Variants in ZSCAN32 observed in about 807,000 individuals in gnomAD.
The protein encoded by ZSCAN32 is zinc finger and SCAN domain-containing protein 32.
ZSCAN32 carries 52 observed loss-of-function variants against 47.4 expected under a neutral mutation model. The ratio of observed to expected loss-of-function variants is 1.10; its 90% CI spans 0.88 to 1.38. The LOEUF is 1.38. ZSCAN32 is among the 40% of genes most tolerant of loss of function. The pLI is 0.00. For synonymous variants in ZSCAN32, 346 were observed against 305.7 expected, an observed-to-expected ratio of 1.13 and a Z score of -1.38; for missense variants, 959 against 846.0, an observed-to-expected ratio of 1.13 and a Z score of -1.66.
chr16:3,388,689 T>A (rs1339539227), intron 5 of ZSCAN32, among the ~76,000 whole-genome samples: 1 of 152,200 alleles, frequency 6.6e-6, no homozygotes, highest in Non-Finnish European at 1.5e-5. Flanking sequence ...TCCTCAATGG[T>A]TGACAAGAAA....
rs1596433044 is a variant in ZSCAN32, at chr16:3,382,623, C to T, written c.*229G>A. On this transcript the variant is annotated 3_prime_UTR_variant, in exon 7 of 7. Transcript: ENST00000396852. ...CTGGTAGAATTTATGGATCCTACAGCTTTCTCTCCATCAAACTTTAAGTCA... is the reference window on the plus strand; with the variant it reads ...CTGGTAGAATTTATGGATCCTACAGTTTTCTCTCCATCAAACTTTAAGTCA... 3 of 463,092 alleles carry T rather than the reference C, an allele frequency of 6.5e-6. No individual in the cohort carries two copies. The highest frequency in any genetic ancestry group is 1.1e-5 in the Non-Finnish European group (3 of 281,742). 28.7% of individuals were successfully genotyped at this position (463,092 alleles called of 1,614,324 possible).
In ZSCAN32 at chr16:3,382,564, T is replaced by C. The variant is rs2150863641; in HGVS notation, c.*288A>G. 1 of 269,262 alleles carries C rather than the reference T, an allele frequency of 3.7e-6. No individual in the cohort carries two copies. Among genetic ancestry groups the C allele is most frequent in the Non-Finnish European group, 6.9e-6 (1 of 144,148 alleles). 16.7% of individuals were successfully genotyped at this position (269,262 alleles called of 1,614,324 possible). Reference sequence around the variant, plus strand: ...GTGTTCTTGGACCACTGGGTGCCCATTCTCAGTGCTAGGAACAGGAAGACC... The same window carrying C: ...GTGTTCTTGGACCACTGGGTGCCCACTCTCAGTGCTAGGAACAGGAAGACC... On this transcript the variant is annotated 3_prime_UTR_variant, in exon 7 of 7. Coordinates refer to ENST00000396852, the MANE Select transcript of ZSCAN32 (RefSeq NM_001284527.2).
chr16:3,384,637 A>G lies in ZSCAN32; in HGVS notation c.1056T>C (p.Ala352=). ...WASAPPMASD[A]VPGQEGSDIE... is the part of the protein sequence containing the mutation. ...TATCACTTCCTTCTTGGCCAGGAAC[A>G]GCATCGCTTGCCATAGGAGGTGCAG... Residue 352 remains alanine (A), a synonymous_variant, in exon 6 of 7, where the codon GCT becomes GCC. Coordinates refer to ENST00000396852, the MANE Select transcript of ZSCAN32 (RefSeq NM_001284527.2). 6.2e-7 allele frequency: 1 copy of G among 1,614,220 alleles called. No individual in the cohort carries two copies. Among genetic ancestry groups the G allele is most frequent in the African/African-American group, 1.3e-5 (1 of 75,060 alleles).
chr16:3,389,770 G>C (rs1160164732), intron 5 of ZSCAN32, among the ~76,000 whole-genome samples: 3 of 152,132 alleles, frequency 2.0e-5, no homozygotes, highest in Non-Finnish European at 4.4e-5. Context: ...CTAACATTTT[G>C]CTTCTCCACC....
At chr16:3,386,048 G>A (rs2150874702) in intron 5 of ZSCAN32, among the ~76,000 whole-genome samples, 1 of 152,242 alleles carries the variant, frequency 6.6e-6, no homozygotes, top group South Asian at 2.1e-4. Context: ...CTACTCATCT[G>A]ACAAAGGGCT....
chr16:3,393,883 T>C (rs2033111674), intron 2 of ZSCAN32, 69 bp from the exon 3 acceptor site: 1 of 1,345,076 alleles, frequency 7.4e-7, no homozygotes, highest in East Asian at 2.6e-5. Flanking sequence ...CTCCTAAGAG[T>C]GGCATTAAAA....
rs80128533 is a variant in ZSCAN32, at chr16:3,394,311, A to T, written c.367-497T>A. Among the ~76,000 whole-genome samples the T allele has an allele frequency of 3.6e-3, 552 of 152,260 alleles. 5 individuals carry two copies. Among genetic ancestry groups the T allele is most frequent in the African/African-American group, 0.012 (518 of 41,560 alleles). On this transcript the variant is annotated intron_variant, in intron 2 of 6. Transcript: ENST00000396852. ...TGAAGTGGTTAAGATTATTTATATG[A>T]CAGCACCTAGCATAGAGCCTGACAC...
chr16:3,392,636 G>T (rs2032851535), intron 3 of ZSCAN32, among the ~76,000 whole-genome samples: 1 of 152,106 alleles, frequency 6.6e-6, no homozygotes. Flanking sequence ...GACCATCCTG[G>T]CTAACACGAT....
intron 1 of ZSCAN32, among the ~76,000 whole-genome samples, chr16:3,398,607 C>T (rs1451052251): frequency 6.6e-6 from 1 of 152,168 alleles, no homozygotes; most frequent in African/African-American, 2.4e-5. Context: ...ATAGTCTTCT[C>T]CCAGCCAAGA....
intron 3 of ZSCAN32, among the ~76,000 whole-genome samples, chr16:3,391,978 A>T (rs1389610414): frequency 6.6e-6 from 1 of 152,238 alleles, no homozygotes; most frequent in African/African-American, 2.4e-5. Context: ...CCAATTAAAC[A>T]GAAAAGGCAG....
intron 2 of ZSCAN32, among the ~76,000 whole-genome samples, chr16:3,394,878 G>A (rs2033218387): frequency 6.6e-6 from 1 of 152,100 alleles, no homozygotes; most frequent in Non-Finnish European, 1.5e-5. Context: ...CAGCTCTTGG[G>A]ACAACTGGTT....
chr16:3,387,082 C>G (rs2032100660), intron 5 of ZSCAN32, among the ~76,000 whole-genome samples: 1 of 152,180 alleles, frequency 6.6e-6, no homozygotes, highest in African/African-American at 2.4e-5. Flanking sequence ...ATTCCCTCCA[C>G]TGATAATGAC....
Position 3,382,991 on chromosome 16 carries a change from C to T in ZSCAN32, c.1955G>A (p.Arg652Gln), listed in dbSNP as rs763978623. The T allele has an allele frequency of 1.6e-5, 26 of 1,613,944 alleles. No individual in the cohort carries two copies. The highest frequency in any genetic ancestry group is 3.3e-4 in the Middle Eastern group (2 of 6,082). Residue 652 changes from arginine to glutamine, a missense_variant, in exon 7 of 7, where the codon CGA becomes CAA. Transcript: ENST00000396852. ...AGGCTTTTCACCAGTGTGGGTTTTT[C>T]GGTGGGCACTGAAGTGGGAGCTATT... ...FNNSSHFSAH[R>Q]KTHTGEKPYR...
In ZSCAN32 at chr16:3,383,235, G is replaced by C. The variant is rs762393364; in HGVS notation, c.1711C>G (p.His571Asp). The C allele has an allele frequency of 5.0e-6, 8 of 1,614,098 alleles. No individual in the cohort carries two copies. Among genetic ancestry groups the C allele is most frequent in the South Asian group, 4.4e-5 (4 of 91,076 alleles). ...RSNLTAHLRT[H>D]TGERPYQCGQ... The stretch of plus-strand genomic sequence containing the variant: ...CACTGATAGGGCCTCTCCCCTGTGT[G>C]AGTTCGTAGGTGGGCAGTGAGGTTG... The change falls in exon 7 of 7, where the codon CAC (histidine) becomes GAC (aspartate). Residue 571 changes from histidine to aspartate, a missense_variant. His to Asp is a moderately conservative substitution (Grantham distance 81). Transcript: ENST00000396852.
rs1404113534 is a variant in ZSCAN32 at position 3,382,963 on chromosome 16, G to A, written c.1983C>T (p.Tyr661=). 2.5e-6 allele frequency: 4 copies of A among 1,614,066 alleles called. No individual in the cohort carries two copies. Among genetic ancestry groups the A allele is most frequent in the Non-Finnish European group, 3.4e-6 (4 of 1,180,028 alleles). Residue 661 remains tyrosine (Y), a synonymous_variant, in exon 7 of 7, where the codon TAC becomes TAT. Coordinates refer to ENST00000396852, the MANE Select transcript of ZSCAN32 (RefSeq NM_001284527.2). ...AGCCTCTCTCACAGTGAGAACACCT[G>A]TAAGGCTTTTCACCAGTGTGGGTTT... ...HRKTHTGEKP[Y]RCSHCERGFT...
rs776686474 is a variant in ZSCAN32 at position 3,384,650 on chromosome 16, A to G, written c.1043T>C (p.Met348Thr). The G allele has an allele frequency of 2.2e-5, 36 of 1,614,072 alleles. No homozygotes were observed. The South Asian group carries it at 3.8e-4, about 17-fold the overall frequency. The change falls in exon 6 of 7, where the codon ATG becomes ACG. Residue 348 changes from methionine (M) to threonine (T), a missense_variant. By Grantham distance (81) the Met-to-Thr change is moderately conservative (BLOSUM62 -1). Coordinates refer to ENST00000396852, the MANE Select transcript of ZSCAN32 (RefSeq NM_001284527.2). ...LSGSWASAPP[M>T]ASDAVPGQEG... ...TTGGCCAGGAACAGCATCGCTTGCC[A>G]TAGGAGGTGCAGAGGCCCAGGAGCC... is the stretch of plus-strand genomic sequence containing the variant.
intron 2 of ZSCAN32, among the ~76,000 whole-genome samples, chr16:3,396,603 A>G (rs2033388402): frequency 6.6e-6 from 1 of 152,102 alleles, no homozygotes; most frequent in South Asian, 2.1e-4. Flanking sequence ...CCACAACCGA[A>G]GCTGGTATGT....
intron 1 of ZSCAN32, among the ~76,000 whole-genome samples, chr16:3,400,065 C>T (rs1044826189): frequency 6.6e-6 from 1 of 152,176 alleles, no homozygotes; most frequent in Non-Finnish European, 1.5e-5. Context: ...CTCAGGACTA[C>T]TGAGCTGTAC....
intron 2 of ZSCAN32, 146 bp downstream of exon 2, chr16:3,397,046 G>C: frequency 1.2e-6 from 1 of 869,156 alleles, no homozygotes; most frequent in East Asian, 2.8e-5. Flanking sequence ...CGTATTATAA[G>C]GGCATAGGAC....
Sources: gnomAD v4.1 joint callset for allele counts (sites outside exome capture counted in the v4.1 genomes callset) on GRCh38, gnomAD v4.1.1 for gene constraint, MANE v1.5 for transcripts, NCBI Gene and HGNC (gene_info 2026-07-23, HGNC 2026-07-21) for gene names.